ERC1: variants seen among roughly 807,000 people sequenced by gnomAD.
ERC1 encodes the protein RAB6 interacting protein 2.
Under a neutral mutation model 132.0 loss-of-function variants are expected in ERC1, and 56 were observed. The observed-to-expected ratio is 0.42, with a 90% CI of 0.34 to 0.53. The LOEUF (loss-of-function observed/expected upper bound fraction) is 0.53, where lower values mean the gene tolerates loss of function less well. Among genes scored for constraint, ERC1 ranks in the 20% least tolerant of loss-of-function variants. The pLI, the probability that ERC1 is intolerant of heterozygous loss-of-function variation, is 0.03. For missense variants in ERC1, 1,202 were observed against 1,349.9 expected, an observed-to-expected ratio of 0.89 and a Z score of 1.72; for synonymous variants, 478 against 476.1, an observed-to-expected ratio of 1.00 and a Z score of -0.05.
At chr12:1,422,523 A>G in intron 17 of ERC1, among the ~76,000 whole-genome samples, 1 of 149,628 alleles carries the variant, frequency 6.7e-6, no homozygotes, top group East Asian at 1.9e-4. Flanking sequence ...AAATGACAGA[A>G]TTTCATTCTT....
chr12:1,106,369 A>G (rs1945268288), intron 4 of ERC1, among the ~76,000 whole-genome samples: 2 of 152,242 alleles, frequency 1.3e-5, no homozygotes, highest in Non-Finnish European at 2.9e-5. Flanking sequence ...TATCCTCTAG[A>G]AAGCTCAATA....
At chr12:1,479,515 A>G (rs1256463641) in intron 18 of ERC1, among the ~76,000 whole-genome samples, 1 of 152,256 alleles carries the variant, frequency 6.6e-6, no homozygotes, top group Non-Finnish European at 1.5e-5. Flanking sequence ...GAAATAGCAG[A>G]AACTAAATTC....
chr12:1,110,106 A>G, intron 4 of ERC1, 86 bp from the exon 5 acceptor site: 2 of 1,148,054 alleles, frequency 1.7e-6, no homozygotes, highest in African/African-American at 3.2e-5. Context: ...TATCTTTATT[A>G]AATGTAACTT....
chr12:1,078,412 T>C (rs1256116976), intron 2 of ERC1, among the ~76,000 whole-genome samples: 2 of 148,912 alleles, frequency 1.3e-5, no homozygotes, highest in Non-Finnish European at 3.0e-5. Flanking sequence ...TTTTAAAATT[T>C]ATATTCATGA....
At chr12:1,167,924 C>T (rs1469942797) in intron 8 of ERC1, among the ~76,000 whole-genome samples, 1 of 151,910 alleles carries the variant, frequency 6.6e-6, no homozygotes, top group Non-Finnish European at 1.5e-5. Context: ...GCATGTTGGC[C>T]AGGATGCTCT....
At chr12:1,114,433 T>G (rs1212829484) in intron 6 of ERC1, among the ~76,000 whole-genome samples, 1 of 152,218 alleles carries the variant, frequency 6.6e-6, no homozygotes, top group Non-Finnish European at 1.5e-5. Context: ...CAGATTTTTA[T>G]ATTTATTTTT....
intron 1 of ERC1, among the ~76,000 whole-genome samples, chr12:1,001,384 T>C (rs1390092124): frequency 1.3e-5 from 2 of 152,150 alleles, no homozygotes; most frequent in Non-Finnish European, 1.5e-5. Flanking sequence ...ATGTAACACA[T>C]ATGTAGAAAA....
At chr12:1,294,139 T>C (rs1171298404) in intron 15 of ERC1, among the ~76,000 whole-genome samples, 1 of 152,202 alleles carries the variant, frequency 6.6e-6, no homozygotes, top group Admixed American at 6.5e-5. Flanking sequence ...TCTGCTTCCC[T>C]TTTTTCTGCC....
chr12:1,019,702 A>C (rs1409449618), intron 1 of ERC1, among the ~76,000 whole-genome samples: 2 of 152,100 alleles, frequency 1.3e-5, no homozygotes, highest in South Asian at 2.1e-4. Context: ...AGAACCTATA[A>C]AAAGAATCAC....
rs770929526 is a variant in ERC1 at position 1,128,279 on chromosome 12, G to A, written c.1569+12246G>A. 4.6e-5 allele frequency among the ~76,000 whole-genome samples: 7 copies of A among 152,048 alleles called. No individual in the cohort carries two copies. In the East Asian group the frequency reaches 5.8e-4, roughly 13 times the overall value. On this transcript the variant is annotated intron_variant, in intron 7 of 18. Transcript: ENST00000360905. The stretch of plus-strand genomic sequence containing the variant: ...AGTATAAACTAAATGATTAAAGGAC[G>A]GACTGAGAGGCATGGGCACACTCTC...
intron 18 of ERC1, among the ~76,000 whole-genome samples, chr12:1,464,837 T>G (rs1049658182): frequency 6.6e-6 from 1 of 151,972 alleles, no homozygotes; most frequent in Non-Finnish European, 1.5e-5. Context: ...CCTTTTTTAA[T>G]CTAGTTTTTA....
intron 15 of ERC1, among the ~76,000 whole-genome samples, chr12:1,362,470 GTCTC>G (rs763328898): frequency 5.4e-4 from 80 of 149,066 alleles, no homozygotes; most frequent in Non-Finnish European, 1.0e-3. Flanking sequence ...CTCTCTCTCT[GTCTC>G]TCTCTCTCTC....
chr12:1,321,891 A>G (rs1449310285), intron 15 of ERC1, among the ~76,000 whole-genome samples: 1 of 152,246 alleles, frequency 6.6e-6, no homozygotes, highest in Non-Finnish European at 1.5e-5. Flanking sequence ...TTATAAGAAC[A>G]AACGGGGATC....
At position 1,028,089 on chromosome 12, in the gene ERC1, A is replaced by T. The variant is rs1301230827; in HGVS notation, c.186A>T (p.Leu62Phe). ...TTTCAATGGAAAATATACAATCTTT[A>T]AATGCTGCCTATGCCACCTCTGGCC... Reference protein sequence around the residue: ...KTLSMENIQSLNAAYATSGPM... With the variant: ...KTLSMENIQSFNAAYATSGPM... The change falls in exon 2 of 19, where the codon TTA (leucine) becomes TTT (phenylalanine). Residue 62 changes from leucine (L) to phenylalanine (F), a missense_variant. By Grantham distance (22) the Leu-to-Phe change is conservative (BLOSUM62 0). Transcript: ENST00000360905. The T allele has an allele frequency of 2.7e-5, 44 of 1,614,074 alleles. No individual in the cohort carries two copies. Among genetic ancestry groups the T allele is most frequent in the Non-Finnish European group, 3.6e-5 (43 of 1,180,048 alleles).
At position 1,473,730 on chromosome 12, in the gene ERC1, AG is replaced by A. The variant is rs957235962; in HGVS notation, c.3214-16362del. Among the ~76,000 whole-genome samples the A allele has an allele frequency of 2.0e-5, 3 of 152,142 alleles. No individual in the cohort carries two copies. The East Asian group carries it at 5.8e-4, about 29-fold the overall frequency. The stretch of plus-strand genomic sequence containing the variant: ...CCGGCCCACTTGCACAGTCTCTGCA[AG>A]TGCAGACTTGAAAGGAAAGAGGACT... On this transcript the variant is annotated intron_variant, in intron 18 of 18. Transcript: ENST00000360905.
chr12:1,196,151 A>T (rs1168187481), intron 12 of ERC1, among the ~76,000 whole-genome samples: 1 of 152,156 alleles, frequency 6.6e-6, no homozygotes, highest in South Asian at 2.1e-4. Context: ...TAAACCAGTC[A>T]TAGATTATTC....
intron 18 of ERC1, among the ~76,000 whole-genome samples, chr12:1,445,588 T>C (rs1000588538): frequency 6.6e-6 from 1 of 152,178 alleles, no homozygotes; most frequent in East Asian, 1.9e-4. Flanking sequence ...TTTTGTAACT[T>C]TCAGCAACAT....
intron 2 of ERC1, among the ~76,000 whole-genome samples, chr12:1,071,402 C>T (rs940240888): frequency 5.3e-5 from 8 of 152,072 alleles, no homozygotes; most frequent in African/African-American, 1.9e-4. Context: ...TTTGCATTTC[C>T]CCAGTTACTA....
In ERC1 at chr12:1,196,953, CACACACACAT is replaced by C. The variant is rs1356486631; in HGVS notation, c.2351+6903_2351+6912del. Among the ~76,000 whole-genome samples, 255 of 33,232 alleles carry C rather than the reference CACACACACAT, an allele frequency of 7.7e-3. 15 individuals are homozygous for C. The highest frequency in any genetic ancestry group is 0.019 in the East Asian group (42 of 2,212). The allele number at this position is 33,232 out of a possible 152,430, so 21.8% of individuals were successfully genotyped here. A position where few individuals can be genotyped will look rare whatever the true frequency, so the allele number is the denominator to read the frequency against. On this transcript the variant is annotated intron_variant, in intron 12 of 18. Transcript: ENST00000360905. ...ACACACACACACACACACACACACA[CACACACACAT>C]ATATATATATATATTTTTTTTTTTT...
Sources: allele counts gnomAD v4.1 joint callset (sites outside exome capture counted in the v4.1 genomes callset), GRCh38; gene constraint gnomAD v4.1.1; transcripts MANE v1.5; gene names NCBI Gene and HGNC (gene_info 2026-07-23, HGNC 2026-07-21).